Variants in PLD1 observed in about 807,000 individuals in gnomAD.
PLD1 encodes the protein choline phosphatase 1.
A neutral mutation model predicts 137.1 loss-of-function variants in PLD1; 112 were observed. The ratio of observed to expected loss-of-function variants is 0.82; its 90% CI spans 0.70 to 0.96. The LOEUF (loss-of-function observed/expected upper bound fraction) is 0.96. Ranked by LOEUF, PLD1 falls within the 40% of genes least tolerant of loss-of-function variation. PLD1 has a pLI of 0.00. For missense variants in PLD1, 1,321 were observed against 1,342.0 expected (o/e 0.98, Z 0.24); for synonymous variants, 431 against 454.7 (o/e 0.95, Z 0.66).
At chr3:171,768,419 A>C (rs1218030819) in intron 1 of PLD1, among the ~76,000 whole-genome samples, 2 of 152,230 alleles carry the variant, frequency 1.3e-5, no homozygotes, top group Non-Finnish European at 2.9e-5. Context: ...GAAGCTGACA[A>C]GGCTATAAAC....
chr3:171,775,932 A>G (rs370005884), intron 1 of PLD1, among the ~76,000 whole-genome samples: 9 of 152,250 alleles, frequency 5.9e-5, no homozygotes, highest in African/African-American at 1.9e-4. Context: ...TAGCTCTGCG[A>G]AAAGGGGGAC....
chr3:171,727,246 C>T (rs1447906862), intron 6 of PLD1, among the ~76,000 whole-genome samples: 2 of 152,002 alleles, frequency 1.3e-5, no homozygotes, highest in Non-Finnish European at 2.9e-5. Flanking sequence ...AGTAAGTTGT[C>T]CAAGATCACA....
intron 19 of PLD1, among the ~76,000 whole-genome samples, chr3:171,662,842 A>G (rs1350040298): frequency 6.6e-6 from 1 of 152,258 alleles, no homozygotes; most frequent in Non-Finnish European, 1.5e-5. Flanking sequence ...AATCACAGGA[A>G]AGAGAACTGG....
chr3:171,755,080 A>G (rs1720925596), intron 1 of PLD1, among the ~76,000 whole-genome samples: 1 of 152,156 alleles, frequency 6.6e-6, no homozygotes, highest in East Asian at 1.9e-4. Context: ...AGTCATCTGG[A>G]GAAATTCAAT....
intron 1 of PLD1, among the ~76,000 whole-genome samples, chr3:171,764,019 C>G (rs574324904): frequency 4.0e-4 from 61 of 152,090 alleles, no homozygotes; most frequent in African/African-American, 1.5e-3. Context: ...TTTCATACAT[C>G]ATTACTAAAA....
chr3:171,788,174 CAA>C (rs1723079424), intron 1 of PLD1, among the ~76,000 whole-genome samples: 1 of 139,416 alleles, frequency 7.2e-6, no homozygotes, highest in East Asian at 2.1e-4. Context: ...AGCCTTGTGA[CAA>C]GAGCAAAAAT....
intron 1 of PLD1, among the ~76,000 whole-genome samples, chr3:171,741,929 C>T (rs1719804989): frequency 6.6e-6 from 1 of 152,124 alleles, no homozygotes; most frequent in Non-Finnish European, 1.5e-5. Context: ...TAAATATGAA[C>T]ATTAGCCAGT....
intron 1 of PLD1, among the ~76,000 whole-genome samples, chr3:171,743,434 C>G (rs749731307): frequency 6.6e-6 from 1 of 152,190 alleles, no homozygotes; most frequent in Non-Finnish European, 1.5e-5. Context: ...AAGCCTTCCT[C>G]TGCAAAAACA....
chr3:171,606,749 T>C (rs895409701), intron 25 of PLD1, among the ~76,000 whole-genome samples: 2 of 152,238 alleles, frequency 1.3e-5, no homozygotes, highest in Non-Finnish European at 2.9e-5. Context: ...CACGTGAAAT[T>C]TATTGAACCA....
In PLD1 at chr3:171,735,539, C is replaced by T; in HGVS notation, c.387G>A (p.Glu129=). The T allele has an allele frequency of 1.2e-6, 2 of 1,613,300 alleles. No homozygotes were observed. The highest frequency in any genetic ancestry group is 1.7e-6 in the Non-Finnish European group (2 of 1,179,228). Residue 129 remains glutamate, a synonymous_variant, in exon 4 of 27, where the codon GAG becomes GAA. Coordinates refer to ENST00000351298, the MANE Select transcript of PLD1 (RefSeq NM_002662.5). The stretch of plus-strand genomic sequence containing the variant: ...GGATAAAGGCTTTGTACTTGAGCAG[C>T]TCTCTGTGAAATTCTTGAAAATGCT... ...KFKHFQEFHR[E]LLKYKAFIRI...
intron 5 of PLD1, among the ~76,000 whole-genome samples, 159 bp downstream of exon 5, chr3:171,734,706 G>A (rs1398980054): frequency 6.6e-6 from 1 of 152,158 alleles, no homozygotes; most frequent in Non-Finnish European, 1.5e-5. Context: ...GGGGAAAGAA[G>A]GGACTGCCTA....
chr3:171,684,017 C>T (rs1252498862), intron 16 of PLD1, among the ~76,000 whole-genome samples: 2 of 152,144 alleles, frequency 1.3e-5, no homozygotes, highest in Non-Finnish European at 2.9e-5. Context: ...CTCTCTGTCT[C>T]TCAACAATGC....
intron 12 of PLD1, 43 bp from the exon 13 acceptor site, chr3:171,692,485 G>T (rs760260350): frequency 1.1e-6 from 1 of 906,342 alleles, no homozygotes; most frequent in Non-Finnish European, 1.8e-6. Flanking sequence ...TATCTCTGGA[G>T]GGAAGTTACA....
chr3:171,804,525 CA>C (rs1723769693), intron 1 of PLD1, among the ~76,000 whole-genome samples: 3 of 152,242 alleles, frequency 2.0e-5, no homozygotes, highest in African/African-American at 7.2e-5. Context: ...ACAAAAATGA[CA>C]AAAACACAGT....
chr3:171,735,744 G>T, intron 3 of PLD1, 107 bp from the exon 4 acceptor site: 1 of 637,160 alleles, frequency 1.6e-6, no homozygotes, highest in Non-Finnish European at 2.8e-6. Flanking sequence ...CTTAAGTCCA[G>T]CCTACTTATT....
At chr3:171,675,843 CTTT>C (rs199846452) in intron 18 of PLD1, among the ~76,000 whole-genome samples, 101 of 138,622 alleles carry the variant, frequency 7.3e-4, no homozygotes, top group East Asian at 8.3e-4. Flanking sequence ...TGAATATGTA[CTTT>C]TTTTTTTTTT....
intron 1 of PLD1, among the ~76,000 whole-genome samples, chr3:171,756,232 T>C (rs1340252511): frequency 6.6e-6 from 1 of 152,238 alleles, no homozygotes; most frequent in Non-Finnish European, 1.5e-5. Context: ...GCTGTGGTCC[T>C]AGAGCTAAAA....
chr3:171,628,171 A>C (rs7625755), intron 23 of PLD1, among the ~76,000 whole-genome samples: 12,048 of 152,240 alleles, frequency 0.079, 1,353 homozygotes, highest in African/African-American at 0.25. Flanking sequence ...AAAAATGATA[A>C]AGGGGATATC....
intron 1 of PLD1, among the ~76,000 whole-genome samples, chr3:171,761,712 A>G (rs541979424): frequency 2.6e-5 from 4 of 152,314 alleles, no homozygotes; most frequent in Non-Finnish European, 5.9e-5. Context: ...ACTCCCAGAT[A>G]AAATGACCAG....
Sources: allele counts gnomAD v4.1 joint callset (sites outside exome capture counted in the v4.1 genomes callset), GRCh38; gene constraint gnomAD v4.1.1; transcripts MANE v1.5; gene names NCBI Gene and HGNC (gene_info 2026-07-23, HGNC 2026-07-21).